The following AGMO variants were observed in gnomAD, a reference collection of about 807,000 sequenced individuals.
The protein encoded by AGMO is alkylglycerol monooxygenase, also known as glyceryl-ether monooxygenase.
In AGMO, 75 loss-of-function variants were observed where a neutral mutation model predicts 60.2. The ratio of observed to expected loss-of-function variants is 1.25; its 90% CI spans 1.03 to 1.51. The LOEUF is 1.51. Ranked by LOEUF, AGMO falls within the 40% of genes most tolerant of loss-of-function variation. The pLI is 0.00. For missense variants in AGMO, 763 were observed against 525.5 expected (o/e 1.45, Z -4.42); for synonymous variants, 261 against 177.1 (o/e 1.47, Z -3.76).
chr7:15,393,507 C>T (rs763942992), intron 6 of AGMO, among the ~76,000 whole-genome samples: 8 of 152,108 alleles, frequency 5.3e-5, no homozygotes, highest in Non-Finnish European at 1.0e-4. Context: ...TCTATTTTTT[C>T]TATCACAAAT....
At chr7:15,339,425 G>A (rs1460110313) in intron 12 of AGMO, among the ~76,000 whole-genome samples, 2 of 152,092 alleles carry the variant, frequency 1.3e-5, no homozygotes, top group African/African-American at 4.8e-5. Flanking sequence ...AAATACTTCT[G>A]CATATACAGT....
At chr7:15,512,766 T>C (rs555740879) in intron 3 of AGMO, among the ~76,000 whole-genome samples, 6 of 152,328 alleles carry the variant, frequency 3.9e-5, no homozygotes, top group African/African-American at 1.4e-4. Context: ...GGAGTAATGT[T>C]AGCATTGGCT....
chr7:15,518,020 T>C (rs10271080), intron 3 of AGMO, among the ~76,000 whole-genome samples: 6,542 of 152,036 alleles, frequency 0.043, 486 homozygotes, highest in African/African-American at 0.15. Flanking sequence ...CTTGAGTAGG[T>C]GGTTTTCACA....
chr7:15,390,905 C>A lies in AGMO; in HGVS notation c.677G>T (p.Gly226Val). 6.3e-7 allele frequency: 1 copy of A among 1,579,942 alleles called. No individual in the cohort carries two copies. The highest frequency in any genetic ancestry group is 1.8e-5 in the Admixed American group (1 of 55,860). Reference sequence around the variant, plus strand: ...TTTGTCTATGCAATAACGATTTCTGCCTATGAGACAAAATATTAGAAATTT... The same window carrying A: ...TTTGTCTATGCAATAACGATTTCTGACTATGAGACAAAATATTAGAAATTT... ...NTPSHHRVHH[G>V]RNRYCIDKNY... Residue 226 changes from glycine to valine, a missense_variant and splice_region_variant, in exon 7 of 13, where the codon GGC becomes GTC. Gly to Val is a moderately radical substitution (Grantham distance 109). Coordinates refer to ENST00000342526, the MANE Select transcript of AGMO (RefSeq NM_001004320.2).
At chr7:15,220,424 T>C (rs1781884776) in intron 12 of AGMO, among the ~76,000 whole-genome samples, 1 of 151,360 alleles carries the variant, frequency 6.6e-6, no homozygotes, top group African/African-American at 2.4e-5. Flanking sequence ...TCAATGTGTT[T>C]CCCAGGTTGA....
At chr7:15,516,935 T>C (rs1783823794) in intron 3 of AGMO, among the ~76,000 whole-genome samples, 1 of 152,000 alleles carries the variant, frequency 6.6e-6, no homozygotes, top group African/African-American at 2.4e-5. Context: ...AGTCTCCACA[T>C]GAAAGAACAG....
At chr7:15,512,225 A>AAG (rs1783694340) in intron 3 of AGMO, among the ~76,000 whole-genome samples, 1 of 152,106 alleles carries the variant, frequency 6.6e-6, no homozygotes, top group African/African-American at 2.4e-5. Flanking sequence ...ATACAACACT[A>AAG]ATGATGATGT....
intron 12 of AGMO, among the ~76,000 whole-genome samples, chr7:15,280,398 G>C (rs115236119): frequency 6.6e-6 from 1 of 152,126 alleles, no homozygotes; most frequent in Admixed American, 6.5e-5. Flanking sequence ...CATGACCCCA[G>C]TGTCCAGAGA....
chr7:15,531,038 C>T (rs1484893675), intron 3 of AGMO, among the ~76,000 whole-genome samples: 2 of 77,288 alleles, frequency 2.6e-5, no homozygotes, highest in Non-Finnish European at 2.3e-5. Context: ...CATATATATT[C>T]TATATATATT....
chr7:15,481,174 G>T (rs776879130), intron 3 of AGMO, among the ~76,000 whole-genome samples: 7 of 151,914 alleles, frequency 4.6e-5, no homozygotes, highest in Non-Finnish European at 1.0e-4. Flanking sequence ...GCATATAAAA[G>T]GAAAACAGGG....
At chr7:15,328,494 T>C (rs182166098) in intron 12 of AGMO, among the ~76,000 whole-genome samples, 166 of 152,290 alleles carry the variant, frequency 1.1e-3, no homozygotes, top group Middle Eastern at 3.4e-3. Context: ...GCTGTGTTAA[T>C]TGTAAGAAAT....
At chr7:15,418,743 T>A in intron 4 of AGMO, 90 bp from the exon 5 acceptor site, 1 of 758,464 alleles carries the variant, frequency 1.3e-6, no homozygotes, top group Non-Finnish European at 2.1e-6. Flanking sequence ...CATATTTCTT[T>A]AGGAAATATA....
At chr7:15,327,128 A>T (rs934919728) in intron 12 of AGMO, among the ~76,000 whole-genome samples, 2 of 152,204 alleles carry the variant, frequency 1.3e-5, no homozygotes, top group Non-Finnish European at 2.9e-5. Context: ...GCTTAAGAGT[A>T]GGTCTAATTA....
intron 8 of AGMO, 146 bp downstream of exon 8, chr7:15,390,523 CAA>C (rs551594527): frequency 3.6e-4 from 183 of 509,130 alleles, no homozygotes; most frequent in Middle Eastern, 1.1e-3. Context: ...GCTTGTGTAA[CAA>C]AGAGTTATTT....
chr7:15,524,065 T>C (rs1226002252), intron 3 of AGMO, among the ~76,000 whole-genome samples: 1 of 152,060 alleles, frequency 6.6e-6, no homozygotes, highest in Non-Finnish European at 1.5e-5. Flanking sequence ...GTTGTGTATG[T>C]ATTTGTATAT....
chr7:15,295,901 C>A (rs898032230), intron 12 of AGMO, among the ~76,000 whole-genome samples: 1 of 152,034 alleles, frequency 6.6e-6, no homozygotes, highest in African/African-American at 2.4e-5. Flanking sequence ...ACACAGAGCT[C>A]AATGTTATCC....
At chr7:15,320,134 G>A (rs1198638165) in intron 12 of AGMO, among the ~76,000 whole-genome samples, 1 of 151,514 alleles carries the variant, frequency 6.6e-6, no homozygotes, top group Non-Finnish European at 1.5e-5. Context: ...AGGGGGAAGG[G>A]ATAGCATTGG....
chr7:15,361,472 G>A (rs371407407), intron 12 of AGMO, among the ~76,000 whole-genome samples: 12 of 143,522 alleles, frequency 8.4e-5, no homozygotes, highest in Middle Eastern at 3.9e-3. Flanking sequence ...CCTGGGAGGC[G>A]GAGCTTGCAG....
intron 3 of AGMO, among the ~76,000 whole-genome samples, chr7:15,507,024 T>C (rs922905187): frequency 1.3e-5 from 2 of 151,940 alleles, no homozygotes; most frequent in Non-Finnish European, 2.9e-5. Flanking sequence ...CATCATTCTA[T>C]TGACAATGGT....
Sources: allele counts gnomAD v4.1 joint callset (sites outside exome capture counted in the v4.1 genomes callset), GRCh38; gene constraint gnomAD v4.1.1; transcripts MANE v1.5; gene names NCBI Gene and HGNC (gene_info 2026-07-23, HGNC 2026-07-21).